CACNA2D3: variants seen among roughly 807,000 people sequenced by gnomAD.
CACNA2D3 encodes voltage-dependent calcium channel subunit alpha-2/delta-3.
A neutral mutation model predicts 160.6 loss-of-function variants in CACNA2D3; 60 were observed. The ratio of observed to expected loss-of-function variants is 0.37; its 90% CI spans 0.30 to 0.46. The LOEUF (loss-of-function observed/expected upper bound fraction) is 0.46, where lower values mean the gene tolerates loss of function less well. Ranked by LOEUF, CACNA2D3 falls within the 20% of genes least tolerant of loss-of-function variation. The pLI is 1.00. For synonymous variants in CACNA2D3, 558 were observed against 492.9 expected, an observed-to-expected ratio of 1.13 and a Z score of -1.75; for missense variants, 1,205 against 1,365.0, an observed-to-expected ratio of 0.88 and a Z score of 1.85.
rs939291458 is a variant in CACNA2D3 at position 54,276,415 on chromosome 3, C to A, written c.205-44027C>A. 1.1e-4 allele frequency among the ~76,000 whole-genome samples: 17 copies of A among 151,906 alleles called. No homozygotes were observed. In the South Asian group the frequency reaches 2.9e-3, roughly 26 times the overall value. ...GAAACCCTGTCTCTACTAAAAAAAA[C>A]CACAAAAATTAGCCAGGCGTGGTGG... On this transcript the variant is annotated intron_variant, in intron 2 of 37. Transcript: ENST00000474759.
intron 13 of CACNA2D3, among the ~76,000 whole-genome samples, chr3:54,779,889 T>C (rs1702499381): frequency 6.6e-6 from 1 of 152,206 alleles, no homozygotes; most frequent in Non-Finnish European, 1.5e-5. Context: ...GTCTATCTCT[T>C]GAACAGTAGC....
intron 6 of CACNA2D3, among the ~76,000 whole-genome samples, chr3:54,567,605 G>C (rs904355701): frequency 6.6e-6 from 1 of 152,054 alleles, no homozygotes; most frequent in Non-Finnish European, 1.5e-5. Flanking sequence ...GTGCAATCTT[G>C]GCTCACTGCA....
chr3:54,160,011 CTTCTAG>C (rs1700313515), intron 2 of CACNA2D3, among the ~76,000 whole-genome samples: 5 of 152,076 alleles, frequency 3.3e-5, no homozygotes, highest in African/African-American at 1.2e-4. Context: ...TTGTTTCTTT[CTTCTAG>C]TTTTTGGCTG....
chr3:54,854,809 A>G (rs1699131193), intron 17 of CACNA2D3, among the ~76,000 whole-genome samples: 1 of 152,194 alleles, frequency 6.6e-6, no homozygotes, highest in Admixed American at 6.5e-5. Flanking sequence ...ATATTCCCTG[A>G]TGCTTAGGCC....
At chr3:54,612,876 C>T (rs555107867) in intron 9 of CACNA2D3, among the ~76,000 whole-genome samples, 11 of 152,292 alleles carry the variant, frequency 7.2e-5, no homozygotes, top group Non-Finnish European at 1.3e-4. Flanking sequence ...CCTTATTACC[C>T]CCACAGTCCT....
At chr3:54,825,948 A>G (rs1703739603) in intron 14 of CACNA2D3, among the ~76,000 whole-genome samples, 1 of 152,224 alleles carries the variant, frequency 6.6e-6, no homozygotes, top group Admixed American at 6.5e-5. Flanking sequence ...AAGAGAAAAC[A>G]CACATACCAT....
intron 32 of CACNA2D3, among the ~76,000 whole-genome samples, chr3:55,007,210 G>A (rs1404038623): frequency 1.3e-5 from 2 of 152,122 alleles, no homozygotes; most frequent in African/African-American, 2.4e-5. Context: ...ATAGAGTGAA[G>A]GAGATTTTCA....
At chr3:54,948,527 A>G (rs945199710) in intron 27 of CACNA2D3, among the ~76,000 whole-genome samples, 12 of 151,432 alleles carry the variant, frequency 7.9e-5, no homozygotes, top group Non-Finnish European at 1.2e-4. Context: ...TGGTTTCACC[A>G]TGAGCACCTC....
Position 54,899,642 on chromosome 3 carries a change from C to T in CACNA2D3, c.2369-146C>T, listed in dbSNP as rs1316918023. 4 of 611,098 alleles carry T rather than the reference C, an allele frequency of 6.5e-6. No individual in the cohort carries two copies. The East Asian group carries it at 8.5e-5, about 13-fold the overall frequency. 37.9% of individuals were successfully genotyped at this position (611,098 alleles called of 1,614,324 possible). ...TCATGGCCTGGCAGCGTAGGCAGAG[C>T]ATCCACACCTCAGAGGACTCTGGGG... is the stretch of plus-strand genomic sequence containing the variant. On this transcript the variant is annotated intron_variant, in intron 26 of 37. Transcript: ENST00000474759.
intron 13 of CACNA2D3, among the ~76,000 whole-genome samples, chr3:54,764,806 A>T (rs541152586): frequency 6.6e-6 from 1 of 152,284 alleles, no homozygotes; most frequent in African/African-American, 2.4e-5. Context: ...TTTTCTTCCC[A>T]TGCATAAGTG....
intron 13 of CACNA2D3, among the ~76,000 whole-genome samples, chr3:54,803,067 C>T (rs930768347): frequency 6.6e-6 from 1 of 152,108 alleles, no homozygotes; most frequent in Non-Finnish European, 1.5e-5. Context: ...TGTACGTCAC[C>T]ATCATCAAAG....
intron 2 of CACNA2D3, among the ~76,000 whole-genome samples, chr3:54,226,863 G>A (rs1349111760): frequency 6.6e-6 from 1 of 152,148 alleles, no homozygotes; most frequent in African/African-American, 2.4e-5. Flanking sequence ...TGCCTTGATA[G>A]GTCTACAGTT....
At chr3:54,936,509 T>C (rs916586962) in intron 27 of CACNA2D3, among the ~76,000 whole-genome samples, 4 of 152,184 alleles carry the variant, frequency 2.6e-5, no homozygotes, top group Non-Finnish European at 5.9e-5. Context: ...GTTAGCAAAA[T>C]AAAGGCCCTG....
chr3:55,025,598 C>T (rs1007627797), intron 35 of CACNA2D3, among the ~76,000 whole-genome samples: 4 of 138,786 alleles, frequency 2.9e-5, no homozygotes, highest in Non-Finnish European at 6.0e-5. Flanking sequence ...TGCGCCACTG[C>T]ACTCCAGCCT....
intron 3 of CACNA2D3, among the ~76,000 whole-genome samples, chr3:54,373,803 A>G (rs1698964841): frequency 6.6e-6 from 1 of 152,110 alleles, no homozygotes; most frequent in South Asian, 2.1e-4. Context: ...TCTTATTACT[A>G]CCTTCATTGC....
intron 27 of CACNA2D3, among the ~76,000 whole-genome samples, chr3:54,928,725 G>A (rs368262731): frequency 7.1e-5 from 9 of 127,234 alleles, no homozygotes; most frequent in South Asian, 5.6e-4. Flanking sequence ...CCCAGCCCCC[G>A]AGTTGAATTG....
At chr3:54,639,377 G>C (rs535433169) in intron 10 of CACNA2D3, 3 of 152,374 alleles carry the variant, frequency 2.0e-5, no homozygotes, top group South Asian at 4.1e-4. Context: ...TCAGAGAGGC[G>C]TCCCTGCAAT....
chr3:55,005,748 A>G (rs955458727), intron 32 of CACNA2D3, among the ~76,000 whole-genome samples: 4 of 152,218 alleles, frequency 2.6e-5, no homozygotes, highest in African/African-American at 9.6e-5. Context: ...AAATTTGGCC[A>G]GCAATACCTA....
intron 31 of CACNA2D3, among the ~76,000 whole-genome samples, chr3:54,993,144 A>G (rs9825949): frequency 0.49 from 74,654 of 152,068 alleles, 19,403 homozygotes; most frequent in African/African-American, 0.67. Context: ...TTCAACATGA[A>G]ATTTGGGTGA....
Sources: allele counts gnomAD v4.1 joint callset (sites outside exome capture counted in the v4.1 genomes callset), GRCh38; gene constraint gnomAD v4.1.1; transcripts MANE v1.5; gene names NCBI Gene and HGNC (gene_info 2026-07-23, HGNC 2026-07-21).